Variants in ZBTB43 observed in about 807,000 individuals in gnomAD.
ZBTB43 encodes the protein zinc finger and BTB domain containing 43, also known as zinc finger and BTB domain-containing protein 43.
Under a neutral mutation model 31.1 loss-of-function variants are expected in ZBTB43, and 6 were observed. The ratio of observed to expected loss-of-function variants is 0.19; its 90% CI spans 0.11 to 0.38. The LOEUF is 0.38. Among genes scored for constraint, ZBTB43 ranks in the 10% least tolerant of loss-of-function variants. ZBTB43 has a pLI of 1.00. For synonymous variants in ZBTB43, 212 were observed against 221.7 expected (o/e 0.96, Z 0.39); for missense variants, 379 against 602.1 (o/e 0.63, Z 3.88).
At chr9:126,810,269 A>C (rs184961170) in intron 2 of ZBTB43, among the ~76,000 whole-genome samples, 1 of 152,240 alleles carries the variant, frequency 6.6e-6, no homozygotes, top group East Asian at 1.9e-4. Flanking sequence ...ATCTCCGCTC[A>C]CTGCAACCTC....
intron 2 of ZBTB43, among the ~76,000 whole-genome samples, chr9:126,820,152 G>C (rs1457959760): frequency 1.3e-5 from 2 of 152,188 alleles, no homozygotes; most frequent in African/African-American, 4.8e-5. Context: ...AGAAAATCTA[G>C]CTAAGATAAT....
At chr9:126,816,974 T>C (rs1473769152) in intron 2 of ZBTB43, among the ~76,000 whole-genome samples, 1 of 152,186 alleles carries the variant, frequency 6.6e-6, no homozygotes, top group Non-Finnish European at 1.5e-5. Flanking sequence ...GACCTGTCTG[T>C]CCTTGGCTTT....
intron 1 of ZBTB43, among the ~76,000 whole-genome samples, chr9:126,806,715 A>G (rs1249156477): frequency 6.6e-6 from 1 of 152,162 alleles, no homozygotes; most frequent in Non-Finnish European, 1.5e-5. Context: ...TTTACATGTA[A>G]TTTTTCAAAA....
chr9:126,819,279 A>AT (rs71377975), intron 2 of ZBTB43, among the ~76,000 whole-genome samples: 26,782 of 100,008 alleles, frequency 0.27, 3,954 homozygotes, highest in African/African-American at 0.33. Context: ...CGGATATTGC[A>AT]TTTTTTTTTT....
intron 1 of ZBTB43, among the ~76,000 whole-genome samples, chr9:126,808,208 G>A (rs913689936): frequency 1.3e-5 from 2 of 152,198 alleles, no homozygotes; most frequent in East Asian, 1.9e-4. Context: ...TTTCTAGAAC[G>A]TTACCTTCTC....
intron 2 of ZBTB43, among the ~76,000 whole-genome samples, chr9:126,809,384 A>C (rs1002220571): frequency 6.6e-6 from 1 of 152,178 alleles, no homozygotes; most frequent in Non-Finnish European, 1.5e-5. Flanking sequence ...GTTTTTGTAC[A>C]TTTGTGCCAG....
intron 2 of ZBTB43, among the ~76,000 whole-genome samples, chr9:126,812,774 A>C (rs2032277735): frequency 1.3e-5 from 2 of 151,994 alleles, no homozygotes; most frequent in Admixed American, 6.6e-5. Flanking sequence ...TCTTTTTATT[A>C]TTGAGTCATA....
chr9:126,824,175 C>T (rs1368501503), intron 2 of ZBTB43, among the ~76,000 whole-genome samples: 3 of 152,070 alleles, frequency 2.0e-5, no homozygotes, highest in Admixed American at 6.6e-5. Context: ...TACAGGTGCG[C>T]ACCACCACGC....
intron 2 of ZBTB43, among the ~76,000 whole-genome samples, chr9:126,819,569 C>G (rs950868045): frequency 2.0e-5 from 3 of 151,988 alleles, no homozygotes; most frequent in Non-Finnish European, 4.4e-5. Context: ...ACTCCACTGA[C>G]CCACCATTCC....
intron 2 of ZBTB43, among the ~76,000 whole-genome samples, chr9:126,828,725 A>G (rs558284020): frequency 6.7e-6 from 1 of 150,084 alleles, no homozygotes; most frequent in Non-Finnish European, 1.5e-5. Context: ...CCCTGGAGCA[A>G]AGAGTAAAAG....
intron 2 of ZBTB43, among the ~76,000 whole-genome samples, chr9:126,821,025 T>C (rs2032497810): frequency 6.6e-6 from 1 of 150,818 alleles, no homozygotes; most frequent in Non-Finnish European, 1.5e-5. Context: ...TAGCTGCTAT[T>C]GATAGTGATT....
In ZBTB43 at chr9:126,829,655, T is replaced by A. The variant is rs1205324362; in HGVS notation, c.-23-2832T>A. On this transcript the variant is annotated intron_variant, in intron 2 of 2. Transcript: ENST00000373464. ...GATATAAACAGGAGTTTAATGGTGATTTCCTTTGGGGGAGACTAGGAATAA... is the reference window on the plus strand; with the variant it reads ...GATATAAACAGGAGTTTAATGGTGAATTCCTTTGGGGGAGACTAGGAATAA... Among the ~76,000 whole-genome samples the A allele has an allele frequency of 3.3e-5, 5 of 151,840 alleles. No homozygotes were observed. In the East Asian group the frequency reaches 9.7e-4, roughly 30 times the overall value.
chr9:126,821,076 A>G (rs2032498911), intron 2 of ZBTB43, among the ~76,000 whole-genome samples: 1 of 152,056 alleles, frequency 6.6e-6, no homozygotes, highest in Non-Finnish European at 1.5e-5. Context: ...AGTAAATTGA[A>G]AATGTTTTGG....
intron 2 of ZBTB43, among the ~76,000 whole-genome samples, chr9:126,816,869 C>T (rs1180003161): frequency 6.6e-6 from 1 of 152,146 alleles, no homozygotes; most frequent in Non-Finnish European, 1.5e-5. Flanking sequence ...TACGGAGTCC[C>T]ACCCCCTTAT....
chr9:126,837,458 C>T lies in ZBTB43; in HGVS notation c.*3545C>T, dbSNP rs756140357. Reference sequence around the variant, plus strand: ...CCCTCCTTGAGAGGCTCACACACCCCCAAGCTGCTGTGGAGTGAATTTGAG... The same window carrying T: ...CCCTCCTTGAGAGGCTCACACACCCTCAAGCTGCTGTGGAGTGAATTTGAG... On this transcript the variant is annotated 3_prime_UTR_variant, in exon 3 of 3. Coordinates refer to ENST00000373464, the MANE Select transcript of ZBTB43 (RefSeq NM_014007.4). 4 of 167,166 alleles carry T rather than the reference C, an allele frequency of 2.4e-5. No homozygotes were observed. The Admixed American group carries it at 2.6e-4, about 11-fold the overall frequency. 10.4% of individuals were successfully genotyped at this position (167,166 alleles called of 1,614,324 possible). A position where few individuals can be genotyped will look rare whatever the true frequency, so the allele number is the denominator to read the frequency against.
Position 126,833,080 on chromosome 9 carries a change from G to C in ZBTB43, c.571G>C (p.Glu191Gln). ...AGACGAGCTGTCATCCCAGCTCACC[G>C]AGCACGAATACCTGCCCAGCAACTC... ...TKDELSSQLT[E>Q]HEYLPSNSST... Residue 191 changes from glutamate (E) to glutamine (Q), a missense_variant, in exon 3 of 3, where the codon GAG (glutamate) becomes CAG (glutamine). Glu to Gln is a conservative substitution (Grantham distance 29). Coordinates refer to ENST00000373464, the MANE Select transcript of ZBTB43 (RefSeq NM_014007.4). This position sits in a 1 kb window ranked among gnomAD's most constrained non-coding sequence, Gnocchi z 7.9. 6.2e-7 allele frequency: 1 copy of C among 1,614,038 alleles called. No homozygotes were observed. Among genetic ancestry groups the C allele is most frequent in the Non-Finnish European group, 8.5e-7 (1 of 1,180,032 alleles).
intron 2 of ZBTB43, among the ~76,000 whole-genome samples, chr9:126,812,460 C>T (rs948312766): frequency 6.6e-6 from 1 of 152,138 alleles, no homozygotes; most frequent in African/African-American, 2.4e-5. Flanking sequence ...AACGTGGTAA[C>T]TCTATGTTTA....
In ZBTB43 at chr9:126,837,718, A is replaced by G. The variant is rs917856271; in HGVS notation, c.*3805A>G. 3.6e-5 allele frequency: 6 copies of G among 167,064 alleles called. No homozygotes were observed. The highest frequency in any genetic ancestry group is 1.2e-4 in the African/African-American group (5 of 41,440). 10.3% of individuals were successfully genotyped at this position (167,064 alleles called of 1,614,324 possible). A position where few individuals can be genotyped will look rare whatever the true frequency, so the allele number is the denominator to read the frequency against. ...TGACTAACTTTTGTTCAGTGAAACC[A>G]GGGTTTGTTTGGGGTTTTTTTCTTT... On this transcript the variant is annotated 3_prime_UTR_variant, in exon 3 of 3. Transcript: ENST00000373464.
At chr9:126,817,812 A>G (rs897231649) in intron 2 of ZBTB43, among the ~76,000 whole-genome samples, 9 of 152,250 alleles carry the variant, frequency 5.9e-5, no homozygotes, top group African/African-American at 1.4e-4. Flanking sequence ...AATTACTTCT[A>G]TGACATCATC....
Sources: gnomAD v4.1 joint callset for allele counts (sites outside exome capture counted in the v4.1 genomes callset) on GRCh38, gnomAD v4.1.1 for gene constraint, Gnocchi (gnomAD v3.1) non-coding constraint, MANE v1.5 for transcripts, NCBI Gene and HGNC (gene_info 2026-07-23, HGNC 2026-07-21) for gene names.